Variants in RRN3 observed in about 807,000 individuals in gnomAD.
The protein encoded by RRN3 is RNA polymerase I-specific transcription initiation factor RRN3.
A neutral mutation model predicts 82.3 loss-of-function variants in RRN3; 38 were observed. The ratio of observed to expected loss-of-function variants is 0.46; its 90% confidence interval spans 0.36 to 0.61. The LOEUF (loss-of-function observed/expected upper bound fraction) is 0.61, where lower values mean the gene tolerates loss of function less well. Ranked by LOEUF, RRN3 falls within the 20% of genes least tolerant of loss-of-function variation. The probability of loss-of-function intolerance (pLI) is 0.00; values close to 1 mark genes in which losing one functional copy is unlikely to be tolerated. For missense variants in RRN3, 726 were observed against 793.1 expected (o/e 0.92, Z 1.02); for synonymous variants, 284 against 284.3 (o/e 1.00, Z 0.01).
intron 8 of RRN3, among the ~76,000 whole-genome samples, chr16:15,082,140 C>G (rs146624455): frequency 6.6e-6 from 1 of 152,154 alleles, no homozygotes; most frequent in Non-Finnish European, 1.5e-5. Flanking sequence ...GCAGCAAGAG[C>G]GGACATCCTT....
intron 6 of RRN3, among the ~76,000 whole-genome samples, chr16:15,085,142 AAAT>A (rs1320834274): frequency 6.6e-6 from 1 of 152,236 alleles, no homozygotes; most frequent in Admixed American, 6.5e-5. Context: ...TTTATCAGAG[AAAT>A]AATAATTTCA....
At chr16:15,072,873 T>G in intron 12 of RRN3, 77 bp downstream of exon 12, 1 of 1,446,976 alleles carries the variant, frequency 6.9e-7, no homozygotes, top group Non-Finnish European at 9.6e-7. Flanking sequence ...ATGGTCTCCG[T>G]CCACCCCAGT....
chr16:15,076,830 G>A (rs535934971), intron 9 of RRN3, among the ~76,000 whole-genome samples, 180 bp from the exon 10 acceptor site: 1 of 152,202 alleles, frequency 6.6e-6, no homozygotes, highest in South Asian at 2.1e-4. Flanking sequence ...GGTCATGAAG[G>A]AATTTAAATA....
Position 15,080,051 on chromosome 16 carries a change from T to A in RRN3, c.712A>T (p.Thr238Ser). The A allele has an allele frequency of 1.2e-6, 2 of 1,602,974 alleles. No individual in the cohort carries two copies. Among genetic ancestry groups the A allele is most frequent in the Non-Finnish European group, 1.7e-6 (2 of 1,174,564 alleles). The change falls in exon 9 of 18, where the codon ACC becomes TCC. Residue 238 changes from threonine to serine, a missense_variant. Thr to Ser is a moderately conservative substitution (Grantham distance 58). This residue lies in a region of RRN3 where 344 missense variants were observed against 394.5 expected (regional missense o/e 0.87). Transcript: ENST00000198767. ...NLLRISVYFP[T>S]LRHEILELII... The stretch of plus-strand genomic sequence containing the variant: ...AGCTCCAGAATTTCATGCCTCAAGG[T>A]TGGAAAATATACACTAATCCTTAGT...
At chr16:15,077,704 G>A (rs2045521888) in intron 9 of RRN3, among the ~76,000 whole-genome samples, 1 of 152,212 alleles carries the variant, frequency 6.6e-6, no homozygotes, top group Non-Finnish European at 1.5e-5. Flanking sequence ...AGCCGGGCAT[G>A]GTGGCATGTG....
intron 14 of RRN3, among the ~76,000 whole-genome samples, chr16:15,068,772 C>A (rs984067174): frequency 6.6e-6 from 1 of 152,116 alleles, no homozygotes; most frequent in African/African-American, 2.4e-5. Flanking sequence ...TCTACCTCAA[C>A]GGACGGCAAA....
chr16:15,087,165 C>T (rs1373047684), intron 3 of RRN3, among the ~76,000 whole-genome samples: 1 of 151,932 alleles, frequency 6.6e-6, no homozygotes, highest in African/African-American at 2.4e-5. Context: ...AGAAAAAGCC[C>T]CTAATTTGTG....
chr16:15,089,342 C>T (rs1324428272), intron 3 of RRN3, among the ~76,000 whole-genome samples: 1 of 152,156 alleles, frequency 6.6e-6, no homozygotes, highest in African/African-American at 2.4e-5. Flanking sequence ...CAAGAGCAAT[C>T]TTGGCTACAG....
At chr16:15,084,111 G>A (rs947972231) in intron 7 of RRN3, among the ~76,000 whole-genome samples, 4 of 152,210 alleles carry the variant, frequency 2.6e-5, no homozygotes, top group African/African-American at 9.6e-5. Flanking sequence ...GCAAATCAAA[G>A]AGGGAGCTTC....
At chr16:15,071,054 T>G (rs1163019561) in intron 13 of RRN3, 67 bp downstream of exon 13, 10 of 1,403,238 alleles carry the variant, frequency 7.1e-6, no homozygotes, top group Non-Finnish European at 9.7e-6. Context: ...TATTTCTGAC[T>G]TGAGACAATG....
intron 7 of RRN3, 137 bp downstream of exon 7, chr16:15,084,505 T>A (rs555665666): frequency 4.9e-6 from 3 of 609,096 alleles, no homozygotes; most frequent in Non-Finnish European, 8.5e-6. Context: ...TAGAATGTAA[T>A]GTTTCCTCAA....
At chr16:15,085,917 G>A (rs1021159555) in intron 5 of RRN3, among the ~76,000 whole-genome samples, 2 of 152,110 alleles carry the variant, frequency 1.3e-5, no homozygotes, top group Non-Finnish European at 2.9e-5. Context: ...TTCACCAGGA[G>A]TTCAATAAAG....
intron 9 of RRN3, among the ~76,000 whole-genome samples, chr16:15,077,593 G>A (rs1277721271): frequency 2.0e-5 from 3 of 152,186 alleles, no homozygotes; most frequent in Non-Finnish European, 4.4e-5. Context: ...TGTAATCCGA[G>A]CTCTTTGGGA....
chr16:15,064,427 A>C (rs2151760103), intron 16 of RRN3, among the ~76,000 whole-genome samples: 1 of 152,276 alleles, frequency 6.6e-6, no homozygotes, highest in Middle Eastern at 3.4e-3. Context: ...CGCCCGCCTC[A>C]GCCTCCCAAA....
At chr16:15,091,996 G>C (rs1340436712) in intron 2 of RRN3, among the ~76,000 whole-genome samples, 1 of 152,112 alleles carries the variant, frequency 6.6e-6, no homozygotes, top group Non-Finnish European at 1.5e-5. Context: ...GGCCAACATG[G>C]TGAAACCCTG....
At chr16:15,066,263 C>T (rs1405078691) in intron 15 of RRN3, among the ~76,000 whole-genome samples, 2 of 152,148 alleles carry the variant, frequency 1.3e-5, no homozygotes, top group South Asian at 2.1e-4. Context: ...CCTACAACCC[C>T]GCAGCTGACC....
intron 1 of RRN3, among the ~76,000 whole-genome samples, chr16:15,093,221 C>T (rs1481088670): frequency 6.6e-6 from 1 of 152,188 alleles, no homozygotes; most frequent in Middle Eastern, 3.2e-3. Context: ...CCAGGCTGGT[C>T]TCCAACTCCT....
At chr16:15,065,747 G>C (rs1346182866) in intron 15 of RRN3, among the ~76,000 whole-genome samples, 3 of 152,084 alleles carry the variant, frequency 2.0e-5, no homozygotes, top group Admixed American at 6.6e-5. Context: ...TTTACTGTTT[G>C]CAAAAGAATT....
intron 14 of RRN3, 144 bp downstream of exon 14, chr16:15,069,926 T>C: frequency 1.7e-6 from 2 of 1,178,320 alleles, no homozygotes; most frequent in South Asian, 3.0e-5. Flanking sequence ...TATGAGCTGC[T>C]TGAAATTATT....
Sources: allele counts gnomAD v4.1 joint callset (sites outside exome capture counted in the v4.1 genomes callset), GRCh38; gene constraint gnomAD v4.1.1; regional missense constraint gnomAD v4.1.1; transcripts MANE v1.5; gene names NCBI Gene and HGNC (gene_info 2026-07-23, HGNC 2026-07-21).